The following EPHA6 variants were observed in gnomAD, a reference collection of about 807,000 sequenced individuals.
EPHA6 encodes the protein ephrin type-A receptor 6.
A neutral mutation model predicts 112.0 loss-of-function variants in EPHA6; 50 were observed. That is an observed-to-expected ratio of 0.45 (90% CI 0.36 to 0.56). EPHA6 has a LOEUF of 0.56. EPHA6 is among the 20% of genes least tolerant of loss of function. The pLI is 0.00. For missense variants in EPHA6, 1,280 were observed against 1,417.4 expected, an observed-to-expected ratio of 0.90 and a Z score of 1.56; for synonymous variants, 529 against 490.7, an observed-to-expected ratio of 1.08 and a Z score of -1.03.
chr3:97,663,135 A>T (rs1442804999), intron 14 of EPHA6, among the ~76,000 whole-genome samples: 14 of 152,220 alleles, frequency 9.2e-5, no homozygotes, highest in Admixed American at 7.9e-4. Flanking sequence ...TGTAGGAAGT[A>T]TCATGGGGTA....
chr3:97,559,764 C>A (rs919379116), intron 11 of EPHA6: 3 of 364,598 alleles, frequency 8.2e-6, no homozygotes, highest in Admixed American at 3.7e-5. Flanking sequence ...CATTAATGCA[C>A]CCTAAAGTTA....
intron 13 of EPHA6, among the ~76,000 whole-genome samples, chr3:97,637,018 A>G (rs537736411): frequency 5.3e-5 from 8 of 152,224 alleles, no homozygotes; most frequent in South Asian, 2.1e-4. Context: ...TTTCAAGGGT[A>G]CTATTTGTTT....
chr3:97,022,753 G>A (rs926494638), intron 3 of EPHA6, among the ~76,000 whole-genome samples: 1 of 152,130 alleles, frequency 6.6e-6, no homozygotes, highest in South Asian at 2.1e-4. Flanking sequence ...CACCTAAGAG[G>A]TGTTCCACTT....
At position 97,374,096 on chromosome 3, in the gene EPHA6, A is replaced by G. The variant is rs547583847; in HGVS notation, c.1607-31054A>G. Reference sequence around the variant, plus strand: ...ACTCCTGTTTCTATCAGTACTTCCTATATTAGAATATAGCCTATTGTATAT... The same window carrying G: ...ACTCCTGTTTCTATCAGTACTTCCTGTATTAGAATATAGCCTATTGTATAT... On this transcript the variant is annotated intron_variant, in intron 5 of 17. Coordinates refer to ENST00000389672, the MANE Select transcript of EPHA6 (RefSeq NM_001080448.3). Among the ~76,000 whole-genome samples the G allele has an allele frequency of 2.2e-4, 33 of 152,224 alleles. No individual in the cohort carries two copies. In the South Asian group the frequency reaches 6.6e-3, roughly 31 times the overall value.
At chr3:97,252,171 A>G (rs1317727627) in intron 5 of EPHA6, among the ~76,000 whole-genome samples, 1 of 152,126 alleles carries the variant, frequency 6.6e-6, no homozygotes. Context: ...GAAGTAAAAG[A>G]GAGGGTCCCT....
At chr3:97,602,381 A>G (rs1397138398) in intron 12 of EPHA6, among the ~76,000 whole-genome samples, 4 of 152,020 alleles carry the variant, frequency 2.6e-5, no homozygotes, top group African/African-American at 9.7e-5. Context: ...CCAGGGAGCA[A>G]CACAGTGCCT....
intron 3 of EPHA6, among the ~76,000 whole-genome samples, chr3:97,004,873 C>T (rs1053723504): frequency 2.6e-5 from 4 of 152,094 alleles, no homozygotes; most frequent in African/African-American, 7.2e-5. Context: ...ATAGGAGATC[C>T]TTTCCCCATT....
At chr3:97,486,528 G>A (rs547845368) in intron 10 of EPHA6, among the ~76,000 whole-genome samples, 23 of 152,272 alleles carry the variant, frequency 1.5e-4, no homozygotes, top group African/African-American at 5.1e-4. Flanking sequence ...CACATCTGCT[G>A]AGGGTCTTCC....
intron 5 of EPHA6, among the ~76,000 whole-genome samples, chr3:97,276,068 C>A (rs769497109): frequency 2.0e-5 from 3 of 151,972 alleles, no homozygotes; most frequent in Non-Finnish European, 4.4e-5. Flanking sequence ...CCGTCAATAC[C>A]CACAACAGTT....
At chr3:97,534,277 T>C (rs1483533137) in intron 11 of EPHA6, among the ~76,000 whole-genome samples, 1 of 152,140 alleles carries the variant, frequency 6.6e-6, no homozygotes, top group African/African-American at 2.4e-5. Context: ...GCTAGCACTT[T>C]ATACGTATAC....
chr3:97,155,907 T>C lies in EPHA6; in HGVS notation c.1115-70357T>C, dbSNP rs532563815. ...AAATGAAGCCACCTCTTCTACTCCATCTCTCTTCTGCTTCTGGTTAGAAAC... is the reference window on the plus strand; with the variant it reads ...AAATGAAGCCACCTCTTCTACTCCACCTCTCTTCTGCTTCTGGTTAGAAAC... On this transcript the variant is annotated intron_variant, in intron 3 of 17. Coordinates refer to ENST00000389672, the MANE Select transcript of EPHA6 (RefSeq NM_001080448.3). 3.9e-5 allele frequency among the ~76,000 whole-genome samples: 6 copies of C among 152,254 alleles called. No homozygotes were observed. In the South Asian group the frequency reaches 8.3e-4, roughly 21 times the overall value.
At chr3:97,277,563 T>A (rs1255304902) in intron 5 of EPHA6, among the ~76,000 whole-genome samples, 2 of 152,186 alleles carry the variant, frequency 1.3e-5, no homozygotes, top group Admixed American at 1.3e-4. Flanking sequence ...TATAGCCTAC[T>A]CCATATAGGT....
chr3:97,042,683 C>T (rs547685106), intron 3 of EPHA6, among the ~76,000 whole-genome samples: 7 of 152,250 alleles, frequency 4.6e-5, no homozygotes, highest in Admixed American at 1.3e-4. Context: ...CCCCTGCTTT[C>T]GCTATAGCAG....
intron 11 of EPHA6, among the ~76,000 whole-genome samples, chr3:97,567,483 C>T (rs767328153): frequency 1.3e-5 from 2 of 152,098 alleles, no homozygotes; most frequent in African/African-American, 4.8e-5. Flanking sequence ...CAGTGTTGGC[C>T]ACTGTTATGG....
chr3:97,538,304 T>C (rs2092791240), intron 11 of EPHA6, among the ~76,000 whole-genome samples: 1 of 152,114 alleles, frequency 6.6e-6, no homozygotes, highest in Admixed American at 6.5e-5. Context: ...CTTGATTGTA[T>C]AGGGGGAATG....
intron 11 of EPHA6, among the ~76,000 whole-genome samples, chr3:97,586,012 C>T (rs1471615561): frequency 6.6e-6 from 1 of 152,138 alleles, no homozygotes; most frequent in African/African-American, 2.4e-5. Flanking sequence ...AGCTCCCTTC[C>T]AGCTATAGAA....
intron 2 of EPHA6, among the ~76,000 whole-genome samples, chr3:96,878,926 G>A (rs1287230885): frequency 6.6e-6 from 1 of 151,888 alleles, no homozygotes; most frequent in African/African-American, 2.4e-5. Flanking sequence ...CACTAAGTTT[G>A]CCATCAATAA....
At chr3:97,037,308 CAG>C (rs1299022579) in intron 3 of EPHA6, among the ~76,000 whole-genome samples, 1 of 151,874 alleles carries the variant, frequency 6.6e-6, no homozygotes, top group Non-Finnish European at 1.5e-5. Context: ...ACTTATAAAA[CAG>C]AGGATAACTA....
intron 11 of EPHA6, among the ~76,000 whole-genome samples, chr3:97,538,743 G>A (rs1055445922): frequency 1.1e-4 from 16 of 152,164 alleles, no homozygotes; most frequent in Non-Finnish European, 1.8e-4. Flanking sequence ...ATTGAGAAGC[G>A]TCCATTGGAT....
Sources: allele counts gnomAD v4.1 joint callset (sites outside exome capture counted in the v4.1 genomes callset), GRCh38; gene constraint gnomAD v4.1.1; transcripts MANE v1.5; gene names NCBI Gene and HGNC (gene_info 2026-07-23, HGNC 2026-07-21).